ELL2: variants seen among roughly 807,000 people sequenced by gnomAD.
ELL2 encodes elongation factor for RNA polymerase II 2.
ELL2 carries 21 observed loss-of-function variants against 72.8 expected under a neutral mutation model. That is an observed-to-expected ratio of 0.29 (90% confidence interval 0.20 to 0.42). ELL2 has a LOEUF of 0.42. ELL2 is among the 10% of genes least tolerant of loss of function. The pLI is 1.00. For missense variants in ELL2, 568 were observed against 772.8 expected (o/e 0.73, Z 3.14); for synonymous variants, 266 against 283.2 (o/e 0.94, Z 0.61).
intron 6 of ELL2, 67 bp from the exon 7 acceptor site, chr5:95,900,847 C>T (rs1749111845): frequency 6.4e-7 from 1 of 1,560,700 alleles, no homozygotes; most frequent in Non-Finnish European, 8.7e-7. Context: ...GAAAGCTTGC[C>T]TTGCTTCCCT....
rs1748503539 is a variant in ELL2, at chr5:95,887,478, T to C, written c.*1393A>G. ...TTTCAAAACAGATTTGTAAACATAA[T>C]GCTTCCCTTTTCAACTGGCAGCACT... On this transcript the variant is annotated 3_prime_UTR_variant, in exon 12 of 12. Coordinates refer to ENST00000237853, the MANE Select transcript of ELL2 (RefSeq NM_012081.6). 6.6e-6 allele frequency: 1 copy of C among 152,666 alleles called. No individual in the cohort carries two copies. The highest frequency in any genetic ancestry group is 2.4e-5 in the African/African-American group (1 of 41,462). The allele number at this position is 152,666 out of a possible 1,614,324, so 9.5% of individuals were successfully genotyped here. A position where few individuals can be genotyped will look rare whatever the true frequency, so the allele number is the denominator to read the frequency against.
intron 6 of ELL2, 48 bp downstream of exon 6, chr5:95,900,908 T>C: frequency 1.9e-6 from 3 of 1,573,106 alleles, no homozygotes; most frequent in Non-Finnish European, 2.6e-6. Context: ...CTTATTTCCA[T>C]AATTTTTAAA....
At chr5:95,891,060 G>A (rs1561487188) in intron 10 of ELL2, 43 bp downstream of exon 10, 2 of 1,613,046 alleles carry the variant, frequency 1.2e-6, no homozygotes, top group Non-Finnish European at 1.7e-6. Context: ...AAGAAAGAAG[G>A]TAAAATATGA....
At position 95,886,360 on chromosome 5, in the gene ELL2, A is replaced by T. The variant is rs1748465241; in HGVS notation, c.*2511T>A. On this transcript the variant is annotated 3_prime_UTR_variant, in exon 12 of 12. Coordinates refer to ENST00000237853, the MANE Select transcript of ELL2 (RefSeq NM_012081.6). Reference sequence around the variant, plus strand: ...AATAGACAGACACACTTTTGCAAGGATCTGTCCAACACATACAACTAACAT... The same window carrying T: ...AATAGACAGACACACTTTTGCAAGGTTCTGTCCAACACATACAACTAACAT... The T allele has an allele frequency of 6.6e-6, 1 of 152,220 alleles. No homozygotes were observed. Among genetic ancestry groups the T allele is most frequent in the Non-Finnish European group, 1.5e-5 (1 of 68,042 alleles). The allele number at this position is 152,220 out of a possible 1,614,324, so 9.4% of individuals were successfully genotyped here.
intron 1 of ELL2, among the ~76,000 whole-genome samples, chr5:95,951,616 A>G (rs76687126): frequency 0.013 from 1,966 of 152,150 alleles, 38 homozygotes; most frequent in African/African-American, 0.044. Flanking sequence ...TTTTAAAACT[A>G]GAAATTAATA....
At chr5:95,950,184 A>G (rs1229660873) in intron 1 of ELL2, among the ~76,000 whole-genome samples, 1 of 152,226 alleles carries the variant, frequency 6.6e-6, no homozygotes, top group Non-Finnish European at 1.5e-5. Context: ...TAAAAAGTAA[A>G]TAAGTAGACA....
intron 10 of ELL2, among the ~76,000 whole-genome samples, chr5:95,890,675 T>C (rs913342984): frequency 6.6e-6 from 1 of 152,232 alleles, no homozygotes; most frequent in African/African-American, 2.4e-5. Context: ...GCCCTCTTTA[T>C]TTCCTATGTT....
intron 2 of ELL2, among the ~76,000 whole-genome samples, chr5:95,925,697 G>A (rs535551964): frequency 6.6e-6 from 1 of 152,288 alleles, no homozygotes; most frequent in East Asian, 1.9e-4. Context: ...ATGTGAAAGA[G>A]GGGTTCTTTC....
At chr5:95,908,752 AAT>A (rs1281330776) in intron 4 of ELL2, among the ~76,000 whole-genome samples, 5 of 152,212 alleles carry the variant, frequency 3.3e-5, no homozygotes, top group African/African-American at 1.2e-4. Flanking sequence ...ATTTTTTAAA[AAT>A]AGAGTCAAGT....
chr5:95,916,103 G>T (rs906547272), intron 3 of ELL2, among the ~76,000 whole-genome samples: 2 of 151,850 alleles, frequency 1.3e-5, no homozygotes, highest in African/African-American at 4.8e-5. Context: ...GGCAGTGAGA[G>T]TGTAGAATAG....
intron 2 of ELL2, 92 bp from the exon 3 acceptor site, chr5:95,919,637 TCATTTTA>T: frequency 7.0e-7 from 1 of 1,438,662 alleles, no homozygotes; most frequent in Non-Finnish European, 9.2e-7. Flanking sequence ...CTAGTGAAAA[TCATTTTA>T]GACCTAAGCC....
At chr5:95,936,003 G>A (rs913325398) in intron 2 of ELL2, among the ~76,000 whole-genome samples, 3 of 152,178 alleles carry the variant, frequency 2.0e-5, no homozygotes, top group Non-Finnish European at 4.4e-5. Context: ...TGACCCATTG[G>A]AAGGTCATGG....
Position 95,960,037 on chromosome 5 carries a change from GCTCTGCCTCAGA to G in ELL2, c.147+1526_147+1537del, listed in dbSNP as rs543321452. ...AACCAGGGTTCACACCTCTCCTGCC[GCTCTGCCTCAGA>G]CTCTGCCTTCGCTCTATGTATTTAA... On this transcript the variant is annotated intron_variant, in intron 1 of 11. Transcript: ENST00000237853. Among the ~76,000 whole-genome samples the G allele has an allele frequency of 9.1e-3, 1,381 of 152,188 alleles. 10 individuals carry two copies. The highest frequency in any genetic ancestry group is 0.015 in the Non-Finnish European group (1,007 of 68,002).
intron 1 of ELL2, among the ~76,000 whole-genome samples, chr5:95,960,100 A>G (rs537035843): frequency 6.6e-6 from 1 of 151,704 alleles, no homozygotes; most frequent in African/African-American, 2.4e-5. Context: ...TGGGAGCTCA[A>G]CAGATGTCAA....
At chr5:95,907,296 A>ATATATATATATATATATTTTTTTTT in intron 4 of ELL2, among the ~76,000 whole-genome samples, 1 of 116,518 alleles carries the variant, frequency 8.6e-6, no homozygotes, top group Admixed American at 8.6e-5. Context: ...ATATATATAT[A>ATATATATATATATATATTTTTTTTT]TTTTTTTTTT....
intron 1 of ELL2, among the ~76,000 whole-genome samples, chr5:95,950,788 A>G (rs1283885861): frequency 6.6e-6 from 1 of 151,060 alleles, no homozygotes; most frequent in African/African-American, 2.4e-5. Context: ...ATAAGGGATT[A>G]TCAAAACCAA....
intron 7 of ELL2, 76 bp from the exon 8 acceptor site, chr5:95,898,886 A>G: frequency 9.0e-7 from 1 of 1,114,532 alleles, no homozygotes; most frequent in Non-Finnish European, 1.2e-6. Flanking sequence ...ATGGCTGGTT[A>G]AACAACTAAG....
At chr5:95,915,382 G>A (rs554455861) in intron 3 of ELL2, among the ~76,000 whole-genome samples, 1 of 152,376 alleles carries the variant, frequency 6.6e-6, no homozygotes, top group East Asian at 1.9e-4. Flanking sequence ...TTACAGGCGT[G>A]AGCCACCGCA....
At chr5:95,959,490 TGAGTTTCTCTCCA>T (rs1296002713) in intron 1 of ELL2, among the ~76,000 whole-genome samples, 1 of 152,218 alleles carries the variant, frequency 6.6e-6, no homozygotes, top group African/African-American at 2.4e-5. Context: ...CTTGCAAGGC[TGAGTTTCTCTCCA>T]GAGTTTCTCT....
Sources: allele counts gnomAD v4.1 joint callset (sites outside exome capture counted in the v4.1 genomes callset), GRCh38; gene constraint gnomAD v4.1.1; transcripts MANE v1.5; gene names NCBI Gene and HGNC (gene_info 2026-07-23, HGNC 2026-07-21).